ITGA8: variants seen among roughly 807,000 people sequenced by gnomAD.
ITGA8 encodes integrin subunit alpha 8.
Under a neutral mutation model 142.3 loss-of-function variants are expected in ITGA8, and 91 were observed. The observed-to-expected ratio is 0.64, with a 90% confidence interval of 0.54 to 0.76. The LOEUF (loss-of-function observed/expected upper bound fraction) is 0.76. Among genes scored for constraint, ITGA8 ranks in the 30% least tolerant of loss-of-function variants. ITGA8 has a pLI of 0.00. For synonymous variants in ITGA8, 505 were observed against 485.2 expected (o/e 1.04, Z -0.54); for missense variants, 1,406 against 1,327.7 (o/e 1.06, Z -0.92).
chr10:15,616,402 C>G, intron 14 of ITGA8, 112 bp downstream of exon 14: 2 of 828,984 alleles, frequency 2.4e-6, no homozygotes, highest in Non-Finnish European at 4.1e-6. Context: ...TTAAAAAGAG[C>G]ATCTAAATAT....
At chr10:15,625,123 C>G (rs35976531) in intron 13 of ITGA8, among the ~76,000 whole-genome samples, 37,267 of 151,310 alleles carry the variant, frequency 0.25, 5,368 homozygotes, top group Non-Finnish European at 0.33. Context: ...AAGTAATAAT[C>G]CTAACAATCT....
At chr10:15,645,412 G>T (rs1029169368) in intron 12 of ITGA8, among the ~76,000 whole-genome samples, 1 of 152,120 alleles carries the variant, frequency 6.6e-6, no homozygotes, top group Non-Finnish European at 1.5e-5. Context: ...GATTTTAAAC[G>T]ACAGCTCCAT....
At chr10:15,572,164 C>G in intron 25 of ITGA8, 47 bp downstream of exon 25, 3 of 1,452,670 alleles carry the variant, frequency 2.1e-6, no homozygotes, top group South Asian at 1.5e-5. Flanking sequence ...TTTTTTCATA[C>G]CATAAAAATA....
chr10:15,694,678 CATATATATAT>C lies in ITGA8; in HGVS notation c.344-6650_344-6641del, dbSNP rs71374639. 4.0e-4 allele frequency among the ~76,000 whole-genome samples: 31 copies of C among 77,512 alleles called. No homozygotes were observed. The East Asian group carries it at 5.7e-3, about 14-fold the overall frequency. 50.9% of individuals were successfully genotyped at this position (77,512 alleles called of 152,430 possible). ...TATATATTATATCTATATTTGTCGA[CATATATATAT>C]ATATATATATATATGTCGACATATG... is the stretch of plus-strand genomic sequence containing the variant. On this transcript the variant is annotated intron_variant, in intron 2 of 29. Coordinates refer to ENST00000378076, the MANE Select transcript of ITGA8 (RefSeq NM_003638.3).
intron 9 of ITGA8, among the ~76,000 whole-genome samples, chr10:15,659,810 G>A (rs116022630): frequency 1.1e-4 from 17 of 152,326 alleles, no homozygotes; most frequent in African/African-American, 3.8e-4. Context: ...TGGAGGCAGA[G>A]ACTGGTGGGA....
intron 26 of ITGA8, among the ~76,000 whole-genome samples, 175 bp from the exon 27 acceptor site, chr10:15,548,743 A>G: frequency 6.6e-6 from 1 of 152,222 alleles, no homozygotes; most frequent in South Asian, 2.1e-4. Context: ...AATGGCGAGG[A>G]TGAATGGAAC....
At chr10:15,652,460 T>TC (rs1387921009) in intron 11 of ITGA8, among the ~76,000 whole-genome samples, 3 of 151,556 alleles carry the variant, frequency 2.0e-5, no homozygotes, top group African/African-American at 7.3e-5. Context: ...TTTTTTTTTT[T>TC]TTCCCTGATG....
intron 6 of ITGA8, among the ~76,000 whole-genome samples, chr10:15,675,620 ATC>A (rs1564403981): frequency 6.6e-6 from 1 of 152,180 alleles, no homozygotes; most frequent in Admixed American, 6.5e-5. Flanking sequence ...CCAACTTTCA[ATC>A]TATTTTCTGT....
At chr10:15,676,221 C>A (rs574176935) in intron 6 of ITGA8, among the ~76,000 whole-genome samples, 1 of 152,166 alleles carries the variant, frequency 6.6e-6, no homozygotes, top group African/African-American at 2.4e-5. Flanking sequence ...GGTACTCCTA[C>A]GTAAGGTCCA....
At chr10:15,561,202 C>G (rs1833967014) in intron 25 of ITGA8, among the ~76,000 whole-genome samples, 1 of 117,878 alleles carries the variant, frequency 8.5e-6, no homozygotes, top group Non-Finnish European at 1.7e-5. Context: ...GTCTCCTTAT[C>G]TGTTGGCTAT....
At chr10:15,652,889 A>G (rs1755282860) in intron 11 of ITGA8, among the ~76,000 whole-genome samples, 1 of 152,200 alleles carries the variant, frequency 6.6e-6, no homozygotes. Context: ...TAGAGCTGGT[A>G]GACAGAGCAC....
intron 13 of ITGA8, among the ~76,000 whole-genome samples, chr10:15,632,224 G>A (rs1223483602): frequency 6.6e-6 from 1 of 150,620 alleles, no homozygotes; most frequent in Non-Finnish European, 1.5e-5. Context: ...TGACATAGCT[G>A]TGTCGATAAG....
intron 5 of ITGA8, 71 bp from the exon 6 acceptor site, chr10:15,677,708 ATTG>A: frequency 1.4e-6 from 2 of 1,468,992 alleles, no homozygotes; most frequent in Admixed American, 1.8e-5. Context: ...AGGGTGATAA[ATTG>A]TTGTTAATAA....
At position 15,580,430 on chromosome 10, in the gene ITGA8, C is replaced by T. The variant is rs555080444; in HGVS notation, c.2373-4836G>A. ...CCACAAAACCCTCCAGATCATTTTA[C>T]GGAGCTAGCATTCACCTGATACCCA... is the stretch of plus-strand genomic sequence containing the variant. On this transcript the variant is annotated intron_variant, in intron 23 of 29. Transcript: ENST00000378076. Among the ~76,000 whole-genome samples, 23 of 152,206 alleles carry T rather than the reference C, an allele frequency of 1.5e-4. No individual in the cohort carries two copies. The South Asian group carries it at 3.7e-3, about 25-fold the overall frequency.
intron 4 of ITGA8, among the ~76,000 whole-genome samples, chr10:15,681,022 T>G (rs1834727299): frequency 6.6e-6 from 1 of 152,180 alleles, no homozygotes; most frequent in South Asian, 2.1e-4. Flanking sequence ...TGCTACTATT[T>G]GTTGACGTCT....
intron 28 of ITGA8, among the ~76,000 whole-genome samples, chr10:15,526,465 C>A (rs369183596): frequency 6.6e-6 from 1 of 152,096 alleles, no homozygotes; most frequent in Non-Finnish European, 1.5e-5. Flanking sequence ...TGTGAGCCAC[C>A]GCACCCGGCC....
chr10:15,625,995 T>A (rs573302120), intron 13 of ITGA8, among the ~76,000 whole-genome samples: 1 of 152,294 alleles, frequency 6.6e-6, no homozygotes, highest in South Asian at 2.1e-4. Context: ...TTCAAAATGG[T>A]GGCTCCATCT....
chr10:15,643,982 C>A (rs1554781122), intron 13 of ITGA8, 48 bp downstream of exon 13: 1 of 1,536,810 alleles, frequency 6.5e-7, no homozygotes, highest in Non-Finnish European at 8.8e-7. Flanking sequence ...AAAATGGACT[C>A]TATTTCAGGA....
At position 15,562,987 on chromosome 10, in the gene ITGA8, G is replaced by A. The variant is rs540267343; in HGVS notation, c.2638-4785C>T. On this transcript the variant is annotated intron_variant, in intron 25 of 29. Transcript: ENST00000378076. The stretch of plus-strand genomic sequence containing the variant: ...GAATGGCTTGGGCCATCCCATTGGC[G>A]CTAAGTGAGCTTCCACTCTGAGTTC... Among the ~76,000 whole-genome samples, 299 of 152,330 alleles carry A rather than the reference G, an allele frequency of 2.0e-3. 7 individuals carry two copies. Among genetic ancestry groups the A allele is most frequent in the Middle Eastern group, 3.4e-3 (1 of 294 alleles).
Sources: allele counts gnomAD v4.1 joint callset (sites outside exome capture counted in the v4.1 genomes callset), GRCh38; gene constraint gnomAD v4.1.1; transcripts MANE v1.5; gene names NCBI Gene and HGNC (gene_info 2026-07-23, HGNC 2026-07-21).